The following KRT8 variants were observed in gnomAD, a reference collection of about 807,000 sequenced individuals.
KRT8 encodes the protein keratin, type II cytoskeletal 8.
A neutral mutation model predicts 43.0 loss-of-function variants in KRT8; 24 were observed. The ratio of observed to expected loss-of-function variants is 0.56; its 90% CI spans 0.40 to 0.78. The LOEUF is 0.78. Among genes scored for constraint, KRT8 ranks in the 30% least tolerant of loss-of-function variants. KRT8 has a pLI of 0.00. For missense variants in KRT8, 492 were observed against 638.4 expected (o/e 0.77, Z 2.47); for synonymous variants, 214 against 261.2 (o/e 0.82, Z 1.74).
chr12:52,901,238 C>T lies in KRT8; in HGVS notation c.534-19G>A, dbSNP rs144160425. ...CTCATACCTGTGAGGAAAAGACTTA[C>T]AATTAGAGGATGAAGGCAAAAGGGA... On this transcript the variant is annotated intron_variant, in intron 2 of 7. Coordinates refer to ENST00000692008, the Ensembl canonical transcript of KRT8. 6.3e-7 allele frequency: 1 copy of T among 1,596,094 alleles called. No homozygotes were observed. The highest frequency in any genetic ancestry group is 1.1e-5 in the South Asian group (1 of 90,670).
At chr12:52,908,040 G>A (rs920183819), upstream of KRT8, among the ~76,000 whole-genome samples, 4 of 152,190 alleles carry the variant, frequency 2.6e-5, no homozygotes, top group South Asian at 2.1e-4. Context: ...AGTGAACCAG[G>A]GAAGGAGGAG....
chr12:52,901,350 TC>T (rs1941365820), intron 2 of KRT8, 131 bp from the exon 3 acceptor site: 1 of 743,006 alleles, frequency 1.3e-6, no homozygotes, highest in African/African-American at 1.7e-5. Context: ...AGAAGGCTGG[TC>T]CTTCTGCCTT....
chr12:52,920,613 T>C (rs540516808), intron 2 of KRT8, among the ~76,000 whole-genome samples: 8 of 152,166 alleles, frequency 5.3e-5, no homozygotes, highest in African/African-American at 1.9e-4. Context: ...AAATTAAAAA[T>C]GGACAGCCCC....
intron 5 of KRT8, 54 bp downstream of exon 5, chr12:52,899,721 C>T: frequency 6.6e-7 from 1 of 1,507,592 alleles, no homozygotes; most frequent in Non-Finnish European, 9.2e-7. Flanking sequence ...TACATTATCT[C>T]CTCTCACCAG....
chr12:52,926,361 C>G, intron 2 of KRT8: 3 of 474,416 alleles, frequency 6.3e-6, no homozygotes, highest in Non-Finnish European at 1.2e-5. Flanking sequence ...CAGGACTGTG[C>G]CCTCCTCTCC....
chr12:52,935,223 A>C (rs2120709936), intron 2 of KRT8, among the ~76,000 whole-genome samples: 1 of 151,436 alleles, frequency 6.6e-6, no homozygotes, highest in Admixed American at 6.6e-5. Context: ...TCTACTAAAA[A>C]TACAAAAAAT....
exon 8 of KRT8, chr12:52,897,533 G>A: frequency 3.8e-6 from 6 of 1,598,372 alleles, no homozygotes; most frequent in Non-Finnish European, 5.1e-6. Flanking sequence ...TGAAGGAGCT[G>A]GAGCCCGCGC....
chr12:52,926,332 G>GGGCCCCCCCCC, intron 2 of KRT8: 5 of 600,266 alleles, frequency 8.3e-6, no homozygotes, highest in Admixed American at 2.3e-5. Context: ...GGCACTAGCT[G>GGGCCCCCCCCC]CCCTCCCCAC....
upstream of KRT8, among the ~76,000 whole-genome samples, chr12:52,910,589 A>G (rs117390692): frequency 0.023 from 3,523 of 152,348 alleles, 72 homozygotes; most frequent in Admixed American, 0.051. Flanking sequence ...AGACAGCGGT[A>G]CTGGGGACTT....
chr12:52,925,655 A>G (rs775271167), intron 2 of KRT8, among the ~76,000 whole-genome samples: 16 of 152,284 alleles, frequency 1.1e-4, no homozygotes, highest in Non-Finnish European at 1.9e-4. Flanking sequence ...TTAGATTCCT[A>G]CCAGCCAGCC....
chr12:52,938,139 T>TAC (rs1565732829), intron 2 of KRT8, among the ~76,000 whole-genome samples: 72 of 29,180 alleles, frequency 2.5e-3, no homozygotes, highest in African/African-American at 0.01. Flanking sequence ...TAGAAAGCTA[T>TAC]ATATATATAT....
At chr12:52,938,170 A>ATATATATTTT (rs1555189967) in intron 2 of KRT8, among the ~76,000 whole-genome samples, 2 of 30,304 alleles carry the variant, frequency 6.6e-5, no homozygotes, top group African/African-American at 1.4e-4. Flanking sequence ...ATATATATAT[A>ATATATATTTT]TTTTTTTTTT....
At chr12:52,922,171 G>A (rs1941899147) in intron 2 of KRT8, among the ~76,000 whole-genome samples, 4 of 121,160 alleles carry the variant, frequency 3.3e-5, no homozygotes. Flanking sequence ...GTGACAGAGT[G>A]AGACCCTGTC....
intron 2 of KRT8, among the ~76,000 whole-genome samples, chr12:52,939,605 C>G (rs901584872): frequency 5.9e-5 from 9 of 151,962 alleles, no homozygotes; most frequent in African/African-American, 1.5e-4. Context: ...ACCCGCGATT[C>G]CAGCTACTTA....
At chr12:52,928,476 C>T (rs2363617) in intron 2 of KRT8, among the ~76,000 whole-genome samples, 12,473 of 152,178 alleles carry the variant, frequency 0.082, 645 homozygotes, top group East Asian at 0.24. Context: ...ATCCACACAC[C>T]CCTCCCTTCA....
chr12:52,932,937 G>GT lies in KRT8; in HGVS notation c.-47+16518dup, dbSNP rs573259708. 6.7e-3 allele frequency among the ~76,000 whole-genome samples: 1,020 copies of GT among 152,108 alleles called. 12 individuals are homozygous for GT. Among genetic ancestry groups the GT allele is most frequent in the African/African-American group, 0.024 (977 of 41,532 alleles). On this transcript the variant is annotated intron_variant, in intron 2 of 6. Coordinates refer to the KRT8 transcript ENST00000546826. ...ATACACAAAATTACATTTTTTGTGT[G>GT]TTTTTTGTTTTTGTTTTTATTTTAG...
intron 1 of KRT8, among the ~76,000 whole-genome samples, chr12:52,902,679 C>T (rs1001076587): frequency 3.3e-5 from 5 of 152,112 alleles, no homozygotes; most frequent in East Asian, 2.0e-4. Context: ...TAAGCCACCG[C>T]GCCCGGCCAA....
exon 1 of KRT8, chr12:52,904,796 G>A: frequency 6.2e-7 from 1 of 1,612,274 alleles, no homozygotes; most frequent in Non-Finnish European, 8.5e-7. Context: ...CTGCGGTGAT[G>A]CCTCCCATGC....
intron 2 of KRT8, among the ~76,000 whole-genome samples, chr12:52,922,963 C>T (rs760161517): frequency 2.0e-5 from 3 of 152,146 alleles, no homozygotes; most frequent in East Asian, 3.9e-4. Flanking sequence ...AAGGTGCCTT[C>T]CAGAAGACCT....
Sources: gnomAD v4.1 joint callset for allele counts (sites outside exome capture counted in the v4.1 genomes callset) on GRCh38, gnomAD v4.1.1 for gene constraint, MANE v1.5 for transcripts, NCBI Gene and HGNC (gene_info 2026-07-23, HGNC 2026-07-21) for gene names.